The following GAB1 variants were observed in gnomAD, a reference collection of about 807,000 sequenced individuals.
GAB1 encodes the protein GRB2-associated-binding protein 1.
A neutral mutation model predicts 66.5 loss-of-function variants in GAB1; 19 were observed. The ratio of observed to expected loss-of-function variants is 0.29; its 90% confidence interval spans 0.20 to 0.42. GAB1 has a LOEUF of 0.42. GAB1 is among the 10% of genes least tolerant of loss of function. The pLI is 1.00. For missense variants in GAB1, 732 were observed against 858.5 expected, an observed-to-expected ratio of 0.85 and a Z score of 1.84; for synonymous variants, 294 against 301.4, an observed-to-expected ratio of 0.98 and a Z score of 0.25.
intron 1 of GAB1, among the ~76,000 whole-genome samples, chr4:143,338,912 A>T (rs1728743685): frequency 6.6e-6 from 1 of 152,222 alleles, no homozygotes; most frequent in South Asian, 2.1e-4. Flanking sequence ...CACTCAAAAG[A>T]CGCCAGGCAC....
chr4:143,407,702 G>C (rs1437107808), intron 1 of GAB1, among the ~76,000 whole-genome samples: 3 of 152,170 alleles, frequency 2.0e-5, no homozygotes, highest in African/African-American at 7.2e-5. Context: ...GATAGAGCCA[G>C]TGGAGTGGAA....
At chr4:143,453,143 G>C (rs887932181) in intron 6 of GAB1, among the ~76,000 whole-genome samples, 2 of 152,050 alleles carry the variant, frequency 1.3e-5, no homozygotes, top group African/African-American at 4.8e-5. Context: ...GAGTTTGGAA[G>C]CATAGAGAAA....
intron 1 of GAB1, among the ~76,000 whole-genome samples, chr4:143,365,534 A>C (rs1729850099): frequency 6.6e-6 from 1 of 152,206 alleles, no homozygotes; most frequent in South Asian, 2.1e-4. Context: ...GTTTTTCTCT[A>C]TACCCCTCTT....
intron 6 of GAB1, chr4:143,457,613 T>A: frequency 1.7e-6 from 1 of 577,490 alleles, no homozygotes; most frequent in Non-Finnish European, 2.7e-6. Flanking sequence ...TTTTTTTTTT[T>A]TTACAGAATC....
At chr4:143,437,635 G>A (rs969659741) in intron 3 of GAB1, among the ~76,000 whole-genome samples, 1 of 152,194 alleles carries the variant, frequency 6.6e-6, no homozygotes, top group African/African-American at 2.4e-5. Flanking sequence ...ATGCTCTTCA[G>A]AGGAAATGCT....
intron 1 of GAB1, among the ~76,000 whole-genome samples, chr4:143,341,782 G>A (rs986627620): frequency 6.6e-6 from 1 of 152,196 alleles, no homozygotes; most frequent in African/African-American, 2.4e-5. Context: ...GGAGAGGGGC[G>A]TGGGCAGGCC....
In GAB1 at chr4:143,426,915, C is replaced by T. The variant is rs772272462; in HGVS notation, c.368-6576C>T. 3.3e-5 allele frequency among the ~76,000 whole-genome samples: 5 copies of T among 152,214 alleles called. No homozygotes were observed. In the South Asian group the frequency reaches 1.0e-3, roughly 32 times the overall value. ...AAAATAGAGCAGATATTTCACCTCT[C>T]TATGGTAAATTAACAAGCCAAATGA... is the stretch of plus-strand genomic sequence containing the variant. On this transcript the variant is annotated intron_variant, in intron 2 of 9. Coordinates refer to ENST00000262994, the MANE Select transcript of GAB1 (RefSeq NM_002039.4).
chr4:143,370,282 G>T (rs1260491331), intron 1 of GAB1, among the ~76,000 whole-genome samples: 1 of 152,220 alleles, frequency 6.6e-6, no homozygotes, highest in East Asian at 1.9e-4. Context: ...GCTGAGGTCT[G>T]CAGTCAAGGG....
intron 6 of GAB1, among the ~76,000 whole-genome samples, chr4:143,457,521 A>G (rs917978488): frequency 6.6e-6 from 1 of 151,910 alleles, no homozygotes; most frequent in African/African-American, 2.4e-5. Context: ...TTTATGTAAC[A>G]AGACTGAAAT....
chr4:143,373,294 A>G (rs1473844419), intron 1 of GAB1, among the ~76,000 whole-genome samples: 5 of 152,220 alleles, frequency 3.3e-5, no homozygotes, highest in African/African-American at 1.2e-4. Context: ...CATATTCTCA[A>G]ACTTCATCTA....
chr4:143,405,043 A>C (rs1403623600), intron 1 of GAB1, among the ~76,000 whole-genome samples: 1 of 152,082 alleles, frequency 6.6e-6, no homozygotes, highest in Non-Finnish European at 1.5e-5. Flanking sequence ...CTGCATAAAC[A>C]ATATTTATTT....
rs987518077 is a variant in GAB1, at chr4:143,446,690, A to T, written c.1585+6308A>T. Among the ~76,000 whole-genome samples the T allele has an allele frequency of 2.0e-5, 3 of 152,282 alleles. No individual in the cohort carries two copies. The East Asian group carries it at 5.8e-4, about 29-fold the overall frequency. On this transcript the variant is annotated intron_variant, in intron 6 of 9. Coordinates refer to ENST00000262994, the MANE Select transcript of GAB1 (RefSeq NM_002039.4). The stretch of plus-strand genomic sequence containing the variant: ...TTTGAGTTCATTGTAGATTCTGGAT[A>T]TTAGCCCTTTGCCAGATGAGTAGGT...
Position 143,337,128 on chromosome 4 carries a change from G to C in GAB1, c.-61G>C, listed in dbSNP as rs1030277700. 1.2e-5 allele frequency: 18 copies of C among 1,463,538 alleles called. 1 individual carries two copies. The African/African-American group carries it at 2.4e-4, about 19-fold the overall frequency. 90.7% of individuals were successfully genotyped at this position (1,463,538 alleles called of 1,614,324 possible). On this transcript the variant is annotated 5_prime_UTR_variant, in exon 1 of 10. Coordinates refer to ENST00000262994, the MANE Select transcript of GAB1 (RefSeq NM_002039.4). Reference sequence around the variant, plus strand: ...ACTGCGCGCTCGGCAGGCGTCGGCTGTGTCGGGAGCGCGCCCGCCGCCCCT... The same window carrying C: ...ACTGCGCGCTCGGCAGGCGTCGGCTCTGTCGGGAGCGCGCCCGCCGCCCCT...
chr4:143,425,937 C>G lies in GAB1; in HGVS notation c.368-7554C>G. The G allele has an allele frequency of 2.9e-6, 3 of 1,020,592 alleles. No individual in the cohort carries two copies. The South Asian group carries it at 3.9e-5, about 13-fold the overall frequency. The allele number at this position is 1,020,592 out of a possible 1,614,324, so 63.2% of individuals were successfully genotyped here. A position where few individuals can be genotyped will look rare whatever the true frequency, so the allele number is the denominator to read the frequency against. On this transcript the variant is annotated intron_variant, in intron 2 of 9. Coordinates refer to ENST00000262994, the MANE Select transcript of GAB1 (RefSeq NM_002039.4). ...AACCACTGGAAGGTCTTAAGCTGTT[C>G]TTGCACGGGTTCTTAAGCAACATGG...
At chr4:143,347,294 A>G (rs1034320099) in intron 1 of GAB1, among the ~76,000 whole-genome samples, 4 of 152,228 alleles carry the variant, frequency 2.6e-5, no homozygotes, top group African/African-American at 9.6e-5. Context: ...AACCTTTTCT[A>G]ACCCACTCCT....
In GAB1 at chr4:143,435,515, T is replaced by A. The variant is rs1329317755; in HGVS notation, c.593+1799T>A. On this transcript the variant is annotated intron_variant, in intron 3 of 9. Coordinates refer to ENST00000262994, the MANE Select transcript of GAB1 (RefSeq NM_002039.4). ...TTTTTATATAGTGTATTTCATTGAT[T>A]TCACTGGTATCACAGCTTTCCTCTT... 2.6e-5 allele frequency among the ~76,000 whole-genome samples: 4 copies of A among 152,216 alleles called. No individual in the cohort carries two copies. The South Asian group carries it at 8.3e-4, about 31-fold the overall frequency.
chr4:143,389,755 G>T (rs887023047), intron 1 of GAB1, among the ~76,000 whole-genome samples: 7 of 152,160 alleles, frequency 4.6e-5, no homozygotes, highest in African/African-American at 1.7e-4. Context: ...GTACATATTT[G>T]TTGAATGACT....
chr4:143,447,907 T>C (rs375777038), intron 6 of GAB1, among the ~76,000 whole-genome samples: 1 of 152,342 alleles, frequency 6.6e-6, no homozygotes, highest in East Asian at 1.9e-4. Context: ...CCATTCAGTA[T>C]GATATTGGCT....
At chr4:143,434,364 A>C (rs1026842688) in intron 3 of GAB1, among the ~76,000 whole-genome samples, 1 of 142,910 alleles carries the variant, frequency 7.0e-6, no homozygotes, top group African/African-American at 2.6e-5. Context: ...CTTTTTATTT[A>C]TCTTTTTTTT....
Sources: allele counts gnomAD v4.1 joint callset (sites outside exome capture counted in the v4.1 genomes callset), GRCh38; gene constraint gnomAD v4.1.1; transcripts MANE v1.5; gene names NCBI Gene and HGNC (gene_info 2026-07-23, HGNC 2026-07-21).